Variants in DENND2B observed in about 807,000 individuals in gnomAD.
DENND2B encodes DENN domain containing 2B.
A neutral mutation model predicts 116.0 loss-of-function variants in DENND2B; 32 were observed. The ratio of observed to expected loss-of-function variants is 0.28; its 90% confidence interval spans 0.21 to 0.37. The LOEUF is 0.37. Among genes scored for constraint, DENND2B ranks in the 10% least tolerant of loss-of-function variants. DENND2B has a pLI of 1.00. For synonymous variants in DENND2B, 588 were observed against 583.9 expected (o/e 1.01, Z -0.10); for missense variants, 1,276 against 1,477.7 (o/e 0.86, Z 2.24).
At chr11:8,724,290 C>T (rs1041642706) in intron 4 of DENND2B, among the ~76,000 whole-genome samples, 6 of 150,216 alleles carry the variant, frequency 4.0e-5, no homozygotes, top group South Asian at 2.1e-4. Flanking sequence ...AGCGAGACTC[C>T]GTCTCAAAAA....
intron 1 of DENND2B, among the ~76,000 whole-genome samples, chr11:8,775,909 C>T (rs1325443585): frequency 1.3e-5 from 2 of 152,088 alleles, no homozygotes; most frequent in East Asian, 3.9e-4. Context: ...TACCTCCAGT[C>T]CTCTCTGCTC....
upstream of DENND2B, among the ~76,000 whole-genome samples, chr11:8,874,648 C>A (rs538938172): frequency 5.3e-5 from 8 of 152,044 alleles, no homozygotes; most frequent in Admixed American, 5.2e-4. Flanking sequence ...GGGTTGGGTT[C>A]AGTGGCTCAT....
chr11:8,793,054 G>T (rs767134965), intron 1 of DENND2B, among the ~76,000 whole-genome samples: 2 of 152,188 alleles, frequency 1.3e-5, no homozygotes, highest in Non-Finnish European at 2.9e-5. Flanking sequence ...AAGGGGCTTG[G>T]TTAAATAAAT....
chr11:8,875,786 A>T (rs1366303526), upstream of DENND2B, among the ~76,000 whole-genome samples: 2 of 152,102 alleles, frequency 1.3e-5, no homozygotes, highest in African/African-American at 4.8e-5. Context: ...CCAGGTAAAA[A>T]CTTCAGAAAC....
At chr11:8,862,177 T>C (rs1267837720) in intron 2 of DENND2B, among the ~76,000 whole-genome samples, 1 of 151,738 alleles carries the variant, frequency 6.6e-6, no homozygotes, top group Non-Finnish European at 1.5e-5. Context: ...CAAAAGCTAT[T>C]GAAATAAAAA....
At chr11:8,813,133 T>C (rs11603841), upstream of DENND2B, among the ~76,000 whole-genome samples, 58,431 of 152,014 alleles carry the variant, frequency 0.38, 11,761 homozygotes, top group Non-Finnish European at 0.44. Flanking sequence ...TGGGTTTTTT[T>C]CATTAATTTC....
chr11:8,784,894 G>A (rs141121925), intron 1 of DENND2B, among the ~76,000 whole-genome samples: 238 of 152,064 alleles, frequency 1.6e-3, no homozygotes, highest in African/African-American at 4.9e-3. Flanking sequence ...GTAAGCCAGC[G>A]GGTAATCATA....
At chr11:8,802,117 A>G (rs1399226363) in intron 1 of DENND2B, among the ~76,000 whole-genome samples, 1 of 151,916 alleles carries the variant, frequency 6.6e-6, no homozygotes, top group Non-Finnish European at 1.5e-5. Context: ...CGTGGCTAAT[A>G]TGGCGAAACC....
intron 1 of DENND2B, among the ~76,000 whole-genome samples, chr11:8,757,531 A>G (rs2134091428): frequency 6.6e-6 from 1 of 152,364 alleles, no homozygotes; most frequent in East Asian, 1.9e-4. Context: ...TTAAGCTTTA[A>G]TCTGTTACCC....
At chr11:8,756,308 C>T (rs2053600727) in intron 1 of DENND2B, among the ~76,000 whole-genome samples, 1 of 152,210 alleles carries the variant, frequency 6.6e-6, no homozygotes, top group East Asian at 1.9e-4. Context: ...TATGAGAACA[C>T]AGAGCCAACT....
intron 4 of DENND2B, among the ~76,000 whole-genome samples, chr11:8,834,261 C>G (rs2062330725): frequency 6.6e-6 from 1 of 152,236 alleles, no homozygotes; most frequent in South Asian, 2.1e-4. Context: ...AGTTTACACA[C>G]AGTGCACTGG....
Position 8,888,195 on chromosome 11 carries a change from G to A in DENND2B, c.-255-7086C>T, listed in dbSNP as rs192121040. Among the ~76,000 whole-genome samples, 287 of 152,306 alleles carry A rather than the reference G, an allele frequency of 1.9e-3. 1 individual carries two copies. Among genetic ancestry groups the A allele is most frequent in the African/African-American group, 6.7e-3 (277 of 41,566 alleles). On this transcript the variant is annotated intron_variant, in intron 1 of 22. Transcript: ENST00000534127. ...ATTTTGGTCAATTTCGGCTCTTAGT[G>A]TAGTGGACGCTACCCATGACCACCC...
At chr11:8,720,261 C>G (rs995390536) in intron 4 of DENND2B, among the ~76,000 whole-genome samples, 2 of 152,084 alleles carry the variant, frequency 1.3e-5, no homozygotes, top group African/African-American at 2.4e-5. Flanking sequence ...CCATCCTTCC[C>G]TCCTTCACCT....
chr11:8,896,389 A>G (rs2064101869), intron 1 of DENND2B, among the ~76,000 whole-genome samples: 2 of 152,310 alleles, frequency 1.3e-5, no homozygotes, highest in South Asian at 4.2e-4. Flanking sequence ...ATTGGAAGGG[A>G]ACAGGAATTG....
At chr11:8,851,293 T>C (rs1440359343) in intron 3 of DENND2B, among the ~76,000 whole-genome samples, 2 of 151,980 alleles carry the variant, frequency 1.3e-5, no homozygotes, top group Non-Finnish European at 2.9e-5. Flanking sequence ...TTGTACATCA[T>C]AAATATATAC....
At chr11:8,727,410 C>T (rs2047260095) in intron 3 of DENND2B, among the ~76,000 whole-genome samples, 3 of 152,200 alleles carry the variant, frequency 2.0e-5, no homozygotes, top group Non-Finnish European at 2.9e-5. Flanking sequence ...ACATCTCCTC[C>T]GTGTGCCTCT....
At chr11:8,902,879 A>G (rs922856618) in intron 1 of DENND2B, among the ~76,000 whole-genome samples, 5 of 152,174 alleles carry the variant, frequency 3.3e-5, no homozygotes, top group Non-Finnish European at 7.3e-5. Context: ...CACATTTAAC[A>G]TTATTATCGA....
Position 8,808,473 on chromosome 11 carries a change from G to A in DENND2B, c.-26+2044C>T, listed in dbSNP as rs1368260331. 4 of 152,128 alleles carry A rather than the reference G, an allele frequency of 2.6e-5. No homozygotes were observed. The East Asian group carries it at 7.7e-4, about 29-fold the overall frequency. The allele number at this position is 152,128 out of a possible 1,614,324, so 9.4% of individuals were successfully genotyped here. On this transcript the variant is annotated intron_variant, in intron 1 of 19. Coordinates refer to ENST00000313726, the MANE Select transcript of DENND2B (RefSeq NM_213618.2). ...ATCGTCTATGAGGCTCCAGTTTTAT[G>A]GCAAACATCACTCTTATGAAACGAC...
At chr11:8,840,505 C>G (rs1016289004) in intron 3 of DENND2B, among the ~76,000 whole-genome samples, 2 of 152,174 alleles carry the variant, frequency 1.3e-5, no homozygotes, top group African/African-American at 4.8e-5. Flanking sequence ...CCAGCACCAA[C>G]GCAATGAACA....
Sources: gnomAD v4.1 joint callset for allele counts (sites outside exome capture counted in the v4.1 genomes callset) on GRCh38, gnomAD v4.1.1 for gene constraint, MANE v1.5 for transcripts, NCBI Gene and HGNC (gene_info 2026-07-23, HGNC 2026-07-21) for gene names.